The following KIF13B variants were observed in gnomAD, a reference collection of about 807,000 sequenced individuals.
The protein encoded by KIF13B is kinesin family member 13B, also known as kinesin-like protein KIF13B.
In KIF13B, 127 loss-of-function variants were observed where a neutral mutation model predicts 222.0. The ratio of observed to expected loss-of-function variants is 0.57; its 90% CI spans 0.50 to 0.66. The LOEUF (loss-of-function observed/expected upper bound fraction) is 0.66. KIF13B is among the 30% of genes least tolerant of loss of function. The pLI, the probability that KIF13B is intolerant of heterozygous loss-of-function variation, is 0.00. For missense variants in KIF13B, 2,173 were observed against 2,379.0 expected (o/e 0.91, Z 1.80); for synonymous variants, 976 against 919.0 (o/e 1.06, Z -1.12).
chr8:29,069,627 G>C lies in KIF13B; in HGVS notation c.*877C>G, dbSNP rs977201090. 1.3e-5 allele frequency: 2 copies of C among 152,302 alleles called. No homozygotes were observed. The highest frequency in any genetic ancestry group is 1.3e-4 in the Admixed American group (2 of 15,290). The allele number at this position is 152,302 out of a possible 1,614,324, so 9.4% of individuals were successfully genotyped here. ...GCCGTCCCCAGGACCCTCCACCTGGGCAGGAGGCCAGCAGCTCTGCAATGG... is the reference window on the plus strand; with the variant it reads ...GCCGTCCCCAGGACCCTCCACCTGGCCAGGAGGCCAGCAGCTCTGCAATGG... On this transcript the variant is annotated 3_prime_UTR_variant, in exon 40 of 40. Transcript: ENST00000524189.
intron 7 of KIF13B, among the ~76,000 whole-genome samples, chr8:29,180,467 A>G (rs1409008244): frequency 1.3e-5 from 2 of 152,176 alleles, no homozygotes; most frequent in Non-Finnish European, 2.9e-5. Context: ...GGCAGCCTTG[A>G]CTCAAAGTTC....
intron 35 of KIF13B, among the ~76,000 whole-genome samples, chr8:29,102,045 T>G (rs1033419708): frequency 2.6e-5 from 4 of 151,666 alleles, no homozygotes; most frequent in African/African-American, 9.7e-5. Context: ...TATGCTTAGC[T>G]GTCCTAGAGT....
intron 37 of KIF13B, among the ~76,000 whole-genome samples, chr8:29,085,995 C>G (rs1808036805): frequency 6.6e-6 from 1 of 152,152 alleles, no homozygotes; most frequent in Non-Finnish European, 1.5e-5. Flanking sequence ...AACAATCCTT[C>G]CCCTCCTTGG....
At chr8:29,087,923 A>C (rs1452168244) in intron 37 of KIF13B, among the ~76,000 whole-genome samples, 1 of 151,782 alleles carries the variant, frequency 6.6e-6, no homozygotes, top group East Asian at 1.9e-4. Flanking sequence ...TAAAAAAAAA[A>C]ACTTCTACAT....
chr8:29,137,091 C>T (rs918639678), intron 21 of KIF13B, among the ~76,000 whole-genome samples: 5 of 152,132 alleles, frequency 3.3e-5, no homozygotes, highest in Non-Finnish European at 5.9e-5. Flanking sequence ...TGAGCCGCCG[C>T]GCCCGGCCCT....
intron 14 of KIF13B, among the ~76,000 whole-genome samples, chr8:29,153,078 C>T (rs1214281151): frequency 6.6e-6 from 1 of 152,044 alleles, no homozygotes; most frequent in Non-Finnish European, 1.5e-5. Flanking sequence ...ATTATTATCC[C>T]CCATTTTTCA....
intron 14 of KIF13B, 111 bp downstream of exon 14, chr8:29,155,615 T>C: frequency 1.1e-6 from 1 of 891,794 alleles, no homozygotes; most frequent in East Asian, 2.7e-5. Flanking sequence ...CCCAACCAAC[T>C]GGATTACTTA....
chr8:29,210,649 C>T (rs1157621169), intron 2 of KIF13B, among the ~76,000 whole-genome samples: 1 of 152,208 alleles, frequency 6.6e-6, no homozygotes, highest in African/African-American at 2.4e-5. Flanking sequence ...GATCCTGAGA[C>T]TTTTTATTTC....
Position 29,165,705 on chromosome 8 carries a change from A to G in KIF13B, c.1226T>C (p.Val409Ala), listed in dbSNP as rs754821297. ...ESEKLIQEMT[V>A]TWEEKLRKTE... ...TTTCCTTAATTTCTCCTCCCAGGTC[A>G]CAGTCATTTCCTGGATTAGCTTCTC... The change falls in exon 12 of 40, where the codon GTG becomes GCG. Residue 409 changes from valine to alanine, a missense_variant. Coordinates refer to ENST00000524189, the MANE Select transcript of KIF13B (RefSeq NM_015254.4). 2 of 1,613,740 alleles carry G rather than the reference A, an allele frequency of 1.2e-6. No individual in the cohort carries two copies. The highest frequency in any genetic ancestry group is 1.3e-5 in the African/African-American group (1 of 74,930).
At chr8:29,073,583 C>T (rs1264515577) in intron 38 of KIF13B, among the ~76,000 whole-genome samples, 2 of 152,172 alleles carry the variant, frequency 1.3e-5, no homozygotes, top group South Asian at 2.1e-4. Flanking sequence ...CACTGCTATC[C>T]AGAAGAAATA....
chr8:29,150,985 C>T (rs1187216871), intron 14 of KIF13B, among the ~76,000 whole-genome samples: 3 of 151,346 alleles, frequency 2.0e-5, no homozygotes, highest in Admixed American at 6.6e-5. Flanking sequence ...CATCGAAAAC[C>T]AAGACAGGAC....
intron 2 of KIF13B, among the ~76,000 whole-genome samples, chr8:29,215,216 A>C (rs1814419230): frequency 6.6e-6 from 1 of 152,070 alleles, no homozygotes; most frequent in South Asian, 2.1e-4. Flanking sequence ...TATGTGGGGA[A>C]GGGGAGGGAA....
chr8:29,153,067 G>T (rs952214681), intron 14 of KIF13B, among the ~76,000 whole-genome samples: 2 of 152,046 alleles, frequency 1.3e-5, no homozygotes, highest in East Asian at 3.9e-4. Flanking sequence ...CTGTATAATA[G>T]ATTATTATCC....
intron 37 of KIF13B, 136 bp from the exon 38 acceptor site, chr8:29,075,479 C>T (rs550343661): frequency 8.5e-6 from 6 of 705,292 alleles, no homozygotes; most frequent in Non-Finnish European, 1.4e-5. Flanking sequence ...GTGAGGGGCT[C>T]CACACCCTCC....
At chr8:29,232,750 CATAG>C (rs1563811781) in intron 2 of KIF13B, among the ~76,000 whole-genome samples, 3 of 152,304 alleles carry the variant, frequency 2.0e-5, no homozygotes, top group Non-Finnish European at 4.4e-5. Context: ...CAGGATCCAT[CATAG>C]ATACTTGTTT....
At chr8:29,159,687 G>A (rs1204280168) in intron 13 of KIF13B, among the ~76,000 whole-genome samples, 3 of 152,126 alleles carry the variant, frequency 2.0e-5, no homozygotes, top group Non-Finnish European at 2.9e-5. Context: ...AGAGAGACAG[G>A]TCACTCCCTC....
chr8:29,231,129 C>T (rs963070333), intron 2 of KIF13B, among the ~76,000 whole-genome samples: 33 of 152,188 alleles, frequency 2.2e-4, no homozygotes, highest in Admixed American at 6.5e-4. Context: ...ATTTGCCTGC[C>T]TCAGCCTCCC....
At position 29,075,350 on chromosome 8, in the gene KIF13B, A is replaced by C; in HGVS notation, c.4459-7T>G. ...CCATGATGCGGGGCACGGGCTGAGG[A>C]GGCAAGTGTGCAGGTCAGGGGTCGA... On this transcript the variant is annotated splice_region_variant and splice_polypyrimidine_tract_variant and intron_variant, in intron 37 of 39. Transcript: ENST00000524189. 1 of 1,556,536 alleles carries C rather than the reference A, an allele frequency of 6.4e-7. No homozygotes were observed. The highest frequency in any genetic ancestry group is 8.7e-7 in the Non-Finnish European group (1 of 1,149,674).
In KIF13B at chr8:29,154,032, C is replaced by T. The variant is rs112871588; in HGVS notation, c.1535+1694G>A. On this transcript the variant is annotated intron_variant, in intron 14 of 39. Transcript: ENST00000524189. ...CACACTAAAAGTAACTGGATCTTGG[C>T]GAGGCACAGTAGTTTATGCCTGTAA... 6.5e-3 allele frequency among the ~76,000 whole-genome samples: 988 copies of T among 152,256 alleles called. 13 individuals carry two copies. The highest frequency in any genetic ancestry group is 0.022 in the African/African-American group (903 of 41,532).
Sources: allele counts gnomAD v4.1 joint callset (sites outside exome capture counted in the v4.1 genomes callset), GRCh38; gene constraint gnomAD v4.1.1; transcripts MANE v1.5; gene names NCBI Gene and HGNC (gene_info 2026-07-23, HGNC 2026-07-21).